Variants in KLHL2 observed in about 807,000 individuals in gnomAD.
The protein encoded by KLHL2 is kelch-like protein 2.
In KLHL2, 15 loss-of-function variants were observed where a neutral mutation model predicts 75.8. The observed-to-expected ratio is 0.20, with a 90% CI of 0.13 to 0.30. The LOEUF is 0.30. Ranked by LOEUF, KLHL2 falls within the 10% of genes least tolerant of loss-of-function variation. The pLI is 1.00. For missense variants in KLHL2, 381 were observed against 741.0 expected (o/e 0.51, Z 5.64); for synonymous variants, 214 against 251.9 (o/e 0.85, Z 1.42).
intron 1 of KLHL2, chr4:165,210,073 C>A: frequency 6.4e-7 from 1 of 1,551,320 alleles, no homozygotes; most frequent in Non-Finnish European, 8.7e-7. Context: ...GAAGACTCAG[C>A]TTTTCATGAA....
intron 3 of KLHL2, among the ~76,000 whole-genome samples, chr4:165,235,706 G>A (rs1277648405): frequency 3.9e-5 from 6 of 151,926 alleles, no homozygotes; most frequent in Non-Finnish European, 8.8e-5. Flanking sequence ...GGATTTGCAT[G>A]AGGTACCCAA....
intron 3 of KLHL2, among the ~76,000 whole-genome samples, chr4:165,229,809 C>CCCAG (rs1215507586): frequency 6.6e-6 from 1 of 152,194 alleles, no homozygotes; most frequent in Non-Finnish European, 1.5e-5. Flanking sequence ...GAAGGATTTC[C>CCCAG]CCAGACCTGA....
intron 3 of KLHL2, among the ~76,000 whole-genome samples, chr4:165,233,090 C>G (rs1296845075): frequency 6.6e-6 from 1 of 151,888 alleles, no homozygotes; most frequent in African/African-American, 2.4e-5. Flanking sequence ...TACTTTTAAT[C>G]TCATAAACTG....
intron 7 of KLHL2, among the ~76,000 whole-genome samples, chr4:165,298,329 G>A (rs1316646825): frequency 6.6e-6 from 1 of 151,982 alleles, no homozygotes; most frequent in Non-Finnish European, 1.5e-5. Context: ...GAATTTTGAG[G>A]TCTGACCCAA....
chr4:165,209,706 T>C (rs1240242322), intron 1 of KLHL2, among the ~76,000 whole-genome samples: 1 of 152,248 alleles, frequency 6.6e-6, no homozygotes, highest in African/African-American at 2.4e-5. Context: ...AATGCCAGCA[T>C]GGATGAAAGA....
chr4:165,313,603 TG>T (rs1746378026), intron 12 of KLHL2, among the ~76,000 whole-genome samples: 1 of 152,222 alleles, frequency 6.6e-6, no homozygotes, highest in Admixed American at 6.5e-5. Flanking sequence ...ATATTCAAGT[TG>T]TTAGCACTCC....
chr4:165,218,081 A>G (rs926208599), intron 1 of KLHL2, among the ~76,000 whole-genome samples: 27 of 152,024 alleles, frequency 1.8e-4, no homozygotes, highest in African/African-American at 6.3e-4. Context: ...CATCACCTCC[A>G]CTGCGACTGT....
At chr4:165,210,202 C>T in intron 1 of KLHL2, 1 of 1,549,686 alleles carries the variant, frequency 6.5e-7, no homozygotes, top group Non-Finnish European at 8.7e-7. Context: ...TTTATTAATT[C>T]ATTCAATGTG....
intron 14 of KLHL2, among the ~76,000 whole-genome samples, chr4:165,321,571 G>GT: frequency 6.6e-6 from 1 of 152,294 alleles, no homozygotes; most frequent in East Asian, 1.9e-4. Flanking sequence ...TTATGCGGGA[G>GT]TAAAAAATTA....
chr4:165,279,022 G>A, intron 5 of KLHL2: 1 of 1,506,662 alleles, frequency 6.6e-7, no homozygotes, highest in East Asian at 2.3e-5. Context: ...AATGAATGTT[G>A]AAAAGCATAG....
chr4:165,267,738 A>T (rs1309520931), intron 5 of KLHL2, among the ~76,000 whole-genome samples: 4 of 152,176 alleles, frequency 2.6e-5, no homozygotes, highest in Non-Finnish European at 5.9e-5. Flanking sequence ...GGATTTTTGC[A>T]TCGATGTTCA....
intron 5 of KLHL2, among the ~76,000 whole-genome samples, chr4:165,275,270 G>A (rs1455715889): frequency 1.3e-5 from 2 of 151,850 alleles, no homozygotes; most frequent in Non-Finnish European, 2.9e-5. Context: ...TTTGTTGGGT[G>A]GTATCTATAT....
intron 7 of KLHL2, among the ~76,000 whole-genome samples, chr4:165,298,435 T>G (rs1745082271): frequency 6.6e-6 from 1 of 152,216 alleles, no homozygotes; most frequent in South Asian, 2.1e-4. Flanking sequence ...GAAATAAATG[T>G]GAAAAATGAT....
chr4:165,274,608 CAAA>C (rs1319249650), intron 5 of KLHL2, among the ~76,000 whole-genome samples: 30,950 of 106,706 alleles, frequency 0.29, 3,548 homozygotes, highest in Non-Finnish European at 0.37. Flanking sequence ...GACTACGTCT[CAAA>C]AAAAAAAAAA....
intron 5 of KLHL2, chr4:165,278,490 A>G (rs1295140357): frequency 6.3e-7 from 1 of 1,597,290 alleles, no homozygotes; most frequent in South Asian, 1.1e-5. Flanking sequence ...TTATTCGTGA[A>G]TTGAGTGAGT....
intron 5 of KLHL2, among the ~76,000 whole-genome samples, chr4:165,286,591 G>T (rs1417748824): frequency 6.6e-6 from 1 of 152,110 alleles, no homozygotes; most frequent in Non-Finnish European, 1.5e-5. Flanking sequence ...CTTAAAATCA[G>T]CAGAGAGGTT....
chr4:165,294,068 C>T (rs1264032193), intron 5 of KLHL2, among the ~76,000 whole-genome samples: 3 of 151,954 alleles, frequency 2.0e-5, no homozygotes, highest in Non-Finnish European at 4.4e-5. Context: ...TTTTTTTAAG[C>T]CTAAAATACC....
At chr4:165,311,372 C>T in intron 10 of KLHL2, 92 bp from the exon 11 acceptor site, 3 of 803,160 alleles carry the variant, frequency 3.7e-6, no homozygotes, top group Admixed American at 5.0e-5. Flanking sequence ...TTAATTTTAG[C>T]CCAGTATAAC....
At chr4:165,311,432 A>G (rs758455852) in intron 10 of KLHL2, 32 bp from the exon 11 acceptor site, 94 of 1,466,312 alleles carry the variant, frequency 6.4e-5, no homozygotes, top group Non-Finnish European at 8.4e-5. Flanking sequence ...TTTTTTAGAG[A>G]AGGAAATGAA....
Sources: gnomAD v4.1 joint callset for allele counts (sites outside exome capture counted in the v4.1 genomes callset) on GRCh38, gnomAD v4.1.1 for gene constraint, MANE v1.5 for transcripts, NCBI Gene and HGNC (gene_info 2026-07-23, HGNC 2026-07-21) for gene names.